The following ST6GALNAC5 variants were observed in gnomAD, a reference collection of about 807,000 sequenced individuals.
The protein encoded by ST6GALNAC5 is ST6 N-acetylgalactosaminide alpha-2,6-sialyltransferase 5, also known as alpha-N-acetylgalactosaminide alpha-2,6-sialyltransferase 5.
A neutral mutation model predicts 33.6 loss-of-function variants in ST6GALNAC5; 27 were observed. The observed-to-expected ratio is 0.80, with a 90% confidence interval of 0.59 to 1.11. ST6GALNAC5 has a LOEUF of 1.11. ST6GALNAC5 is among the 50% of genes least tolerant of loss of function. The probability of loss-of-function intolerance (pLI) is 0.00; values close to 1 mark genes in which losing one functional copy is unlikely to be tolerated. For synonymous variants in ST6GALNAC5, 194 were observed against 171.2 expected (o/e 1.13, Z -1.04); for missense variants, 428 against 454.0 (o/e 0.94, Z 0.52).
intron 2 of ST6GALNAC5, among the ~76,000 whole-genome samples, chr1:76,970,504 G>GA (rs1300384425): frequency 2.0e-5 from 3 of 151,808 alleles, no homozygotes; most frequent in Non-Finnish European, 2.9e-5. Context: ...GAAGTTTAGA[G>GA]AAAAAAAGAG....
At chr1:77,009,950 T>A (rs925036265) in intron 2 of ST6GALNAC5, among the ~76,000 whole-genome samples, 2 of 152,218 alleles carry the variant, frequency 1.3e-5, no homozygotes, top group Non-Finnish European at 2.9e-5. Context: ...GTTGTCAGCC[T>A]AGTGGCAATA....
At chr1:77,037,601 C>A (rs548645723) in intron 2 of ST6GALNAC5, among the ~76,000 whole-genome samples, 1 of 152,110 alleles carries the variant, frequency 6.6e-6, no homozygotes, top group East Asian at 1.9e-4. Context: ...TAAAGTTTGG[C>A]TTCTTATTCC....
At chr1:77,050,129 T>C (rs1652170860) in intron 3 of ST6GALNAC5, 129 bp from the exon 4 acceptor site, 1 of 697,922 alleles carries the variant, frequency 1.4e-6, no homozygotes, top group Non-Finnish European at 2.5e-6. Context: ...GTTCCAGATA[T>C]TTACCAAATG....
chr1:76,985,184 G>GA (rs1314100083), intron 2 of ST6GALNAC5, among the ~76,000 whole-genome samples: 1 of 152,182 alleles, frequency 6.6e-6, no homozygotes, highest in Non-Finnish European at 1.5e-5. Context: ...GCAAGAGAAA[G>GA]AAAGAAAGGG....
intron 2 of ST6GALNAC5, among the ~76,000 whole-genome samples, chr1:77,034,805 T>G (rs1651590305): frequency 6.6e-6 from 1 of 152,240 alleles, no homozygotes; most frequent in Non-Finnish European, 1.5e-5. Context: ...ACTTCTAGGT[T>G]GCAACTTAAG....
At chr1:77,060,336 ATTG>A (rs1448768663) in intron 4 of ST6GALNAC5, 1 of 152,080 alleles carries the variant, frequency 6.6e-6, no homozygotes, top group African/African-American at 2.4e-5. Context: ...GCTGAGGTTT[ATTG>A]TAGTTTTCAC....
chr1:77,007,633 G>A (rs980785006), intron 2 of ST6GALNAC5, among the ~76,000 whole-genome samples: 1 of 152,182 alleles, frequency 6.6e-6, no homozygotes, highest in Non-Finnish European at 1.5e-5. Context: ...ACTAATATTT[G>A]AGTAGAGAAA....
chr1:76,903,661 A>C (rs1215400737), intron 2 of ST6GALNAC5, among the ~76,000 whole-genome samples: 1 of 152,208 alleles, frequency 6.6e-6, no homozygotes, highest in African/African-American at 2.4e-5. Flanking sequence ...GAATAGATAA[A>C]CAAAATGTGG....
At chr1:77,001,797 T>C (rs1266188) in intron 2 of ST6GALNAC5, among the ~76,000 whole-genome samples, 1 of 146,468 alleles carries the variant, frequency 6.8e-6, no homozygotes, top group South Asian at 2.2e-4. Flanking sequence ...TACATTTATT[T>C]ATTTGCGTAT....
At chr1:76,896,192 G>A (rs1049392011) in intron 2 of ST6GALNAC5, among the ~76,000 whole-genome samples, 3 of 152,172 alleles carry the variant, frequency 2.0e-5, no homozygotes, top group Admixed American at 6.5e-5. Flanking sequence ...GACTATGGTG[G>A]CCTTCTCAGA....
intron 2 of ST6GALNAC5, among the ~76,000 whole-genome samples, chr1:76,873,467 T>C (rs1231004227): frequency 6.6e-6 from 1 of 152,166 alleles, no homozygotes; most frequent in Admixed American, 6.6e-5. Flanking sequence ...CAACAATATC[T>C]AAAATTTAAT....
rs550206943 is a variant in ST6GALNAC5, at chr1:76,928,234, C to T, written c.261+59492C>T. Reference sequence around the variant, plus strand: ...AGACCAGGGAATAGAACATAAAGGTCGACAGCTTTATCCTAATCTGAATTG... The same window carrying T: ...AGACCAGGGAATAGAACATAAAGGTTGACAGCTTTATCCTAATCTGAATTG... On this transcript the variant is annotated intron_variant, in intron 2 of 4. Transcript: ENST00000477717. Among the ~76,000 whole-genome samples, 134 of 152,210 alleles carry T rather than the reference C, an allele frequency of 8.8e-4. No homozygotes were observed. In the South Asian group the frequency reaches 9.1e-3, roughly 10 times the overall value.
At chr1:76,885,987 G>A (rs1653883775) in intron 2 of ST6GALNAC5, among the ~76,000 whole-genome samples, 1 of 152,174 alleles carries the variant, frequency 6.6e-6, no homozygotes, top group Non-Finnish European at 1.5e-5. Context: ...AGAGGTGATC[G>A]CCATCTTCAT....
chr1:76,983,369 C>G (rs1004343374), intron 2 of ST6GALNAC5, among the ~76,000 whole-genome samples: 2 of 152,080 alleles, frequency 1.3e-5, no homozygotes. Context: ...CAATCCTAGT[C>G]TCTGATAAAA....
intron 2 of ST6GALNAC5, among the ~76,000 whole-genome samples, chr1:76,888,120 CATGCTGTGACAGA>C (rs1160957702): frequency 2.0e-5 from 3 of 152,178 alleles, no homozygotes; most frequent in African/African-American, 7.2e-5. Flanking sequence ...GATTATAGAT[CATGCTGTGACAGA>C]ATGACAAAGG....
intron 2 of ST6GALNAC5, among the ~76,000 whole-genome samples, chr1:76,965,492 A>G (rs1389860650): frequency 1.3e-5 from 2 of 152,152 alleles, no homozygotes; most frequent in African/African-American, 4.8e-5. Context: ...AGTTCTTTGT[A>G]GATTCTAGAT....
At chr1:76,870,206 T>A (rs1653467516) in intron 2 of ST6GALNAC5, among the ~76,000 whole-genome samples, 1 of 152,230 alleles carries the variant, frequency 6.6e-6, no homozygotes, top group Non-Finnish European at 1.5e-5. Flanking sequence ...GCTTTGTATC[T>A]GCATGTGCAA....
rs761180303 is a variant in ST6GALNAC5, at chr1:77,063,015, C to T, written c.820C>T (p.Pro274Ser). The T allele has an allele frequency of 3.7e-6, 6 of 1,613,696 alleles. No homozygotes were observed. The highest frequency in any genetic ancestry group is 5.1e-6 in the Non-Finnish European group (6 of 1,179,868). The change falls in exon 5 of 5, where the codon CCT becomes TCT. Residue 274 changes from proline (P) to serine (S), a missense_variant. Coordinates refer to ENST00000477717, the MANE Select transcript of ST6GALNAC5 (RefSeq NM_030965.3). ...TTCAGTACCTTATCATTATTATGAA[C>T]CTTTTGGACCTGATGAATGTACAAT... ...HPSVPYHYYE[P>S]FGPDECTMYL...
chr1:76,971,366 C>T (rs551618100), intron 2 of ST6GALNAC5, among the ~76,000 whole-genome samples: 7 of 151,940 alleles, frequency 4.6e-5, no homozygotes, highest in African/African-American at 1.5e-4. Flanking sequence ...GGGCCCAGAG[C>T]GAGGAGAGTA....
Sources: allele counts gnomAD v4.1 joint callset (sites outside exome capture counted in the v4.1 genomes callset), GRCh38; gene constraint gnomAD v4.1.1; transcripts MANE v1.5; gene names NCBI Gene and HGNC (gene_info 2026-07-23, HGNC 2026-07-21).